Variants in DPYD observed in about 807,000 individuals in gnomAD.
DPYD encodes the protein dihydropyrimidine dehydrogenase [NADP(+)].
Under a neutral mutation model 116.2 loss-of-function variants are expected in DPYD, and 109 were observed. The observed-to-expected ratio is 0.94, with a 90% CI of 0.80 to 1.10. The LOEUF (loss-of-function observed/expected upper bound fraction) is 1.10. Ranked by LOEUF, DPYD falls within the 50% of genes least tolerant of loss-of-function variation. The pLI, the probability that DPYD is intolerant of heterozygous loss-of-function variation, is 0.00. For synonymous variants in DPYD, 440 were observed against 432.0 expected (o/e 1.02, Z -0.23); for missense variants, 1,302 against 1,254.5 (o/e 1.04, Z -0.57).
intron 14 of DPYD, among the ~76,000 whole-genome samples, chr1:97,448,616 C>CT (rs201268158): frequency 0.19 from 26,430 of 142,180 alleles, 2,611 homozygotes; most frequent in African/African-American, 0.3. Context: ...TATAGTTGAT[C>CT]TTTTTTTTTT....
At chr1:97,259,279 T>A (rs953931373) in intron 18 of DPYD, among the ~76,000 whole-genome samples, 3 of 152,094 alleles carry the variant, frequency 2.0e-5, no homozygotes, top group Non-Finnish European at 4.4e-5. Flanking sequence ...TGTTATTCAA[T>A]TGAAAACTGT....
intron 2 of DPYD, among the ~76,000 whole-genome samples, chr1:97,879,495 A>G (rs1313048638): frequency 6.6e-6 from 1 of 151,918 alleles, no homozygotes; most frequent in Non-Finnish European, 1.5e-5. Context: ...ATAGTTCAAC[A>G]TTTTCAAAAA....
At chr1:97,857,642 C>T (rs192227041) in intron 2 of DPYD, among the ~76,000 whole-genome samples, 7 of 152,310 alleles carry the variant, frequency 4.6e-5, no homozygotes, top group African/African-American at 1.7e-4. Flanking sequence ...GTAGCTCACC[C>T]TATGCATCTC....
intron 9 of DPYD, among the ~76,000 whole-genome samples, chr1:97,594,251 G>T (rs1654724213): frequency 6.6e-6 from 1 of 152,142 alleles, no homozygotes; most frequent in African/African-American, 2.4e-5. Context: ...GGGACACTCT[G>T]TAATTTTCAA....
At chr1:97,306,912 T>A (rs751962950) in intron 16 of DPYD, among the ~76,000 whole-genome samples, 1 of 151,926 alleles carries the variant, frequency 6.6e-6, no homozygotes, top group Non-Finnish European at 1.5e-5. Context: ...CTGTGCAGCA[T>A]TTTCAGCACT....
intron 18 of DPYD, among the ~76,000 whole-genome samples, chr1:97,251,338 G>A (rs1465781499): frequency 6.9e-6 from 1 of 145,402 alleles, no homozygotes; most frequent in Non-Finnish European, 1.5e-5. Context: ...GTTGCAGTGA[G>A]CCGAGATTGC....
intron 19 of DPYD, among the ~76,000 whole-genome samples, chr1:97,221,732 C>A (rs1436208625): frequency 1.3e-5 from 2 of 151,996 alleles, no homozygotes; most frequent in Admixed American, 1.3e-4. Flanking sequence ...CTACTCAGAA[C>A]AATTTTGGAA....
chr1:97,692,873 A>T (rs960818935), intron 6 of DPYD, among the ~76,000 whole-genome samples: 3 of 152,172 alleles, frequency 2.0e-5, no homozygotes, highest in African/African-American at 7.2e-5. Flanking sequence ...GTTGAAGATG[A>T]ATCTTCTGGA....
intron 3 of DPYD, among the ~76,000 whole-genome samples, chr1:97,823,730 T>C (rs186034243): frequency 1.3e-5 from 2 of 152,258 alleles, no homozygotes; most frequent in African/African-American, 4.8e-5. Context: ...TGTTAGCGTA[T>C]CATCTCTTCC....
At chr1:97,192,241 A>G (rs537202163) in intron 20 of DPYD, among the ~76,000 whole-genome samples, 1 of 152,194 alleles carries the variant, frequency 6.6e-6, no homozygotes, top group Admixed American at 6.5e-5. Context: ...AAGGCAGAGT[A>G]CCCAGGGCTT....
chr1:97,909,279 A>G (rs1447884047), intron 1 of DPYD, among the ~76,000 whole-genome samples: 1 of 151,916 alleles, frequency 6.6e-6, no homozygotes, highest in African/African-American at 2.4e-5. Flanking sequence ...CTGTCTCACC[A>G]CCTATTCTAA....
intron 2 of DPYD, chr1:97,856,758 A>C (rs1670867347): frequency 6.6e-6 from 1 of 152,364 alleles, no homozygotes; most frequent in Non-Finnish European, 1.5e-5. Context: ...GCCCAGGCTC[A>C]GGACTGCATA....
At chr1:97,540,100 GTCT>G in intron 12 of DPYD, among the ~76,000 whole-genome samples, 1 of 152,132 alleles carries the variant, frequency 6.6e-6, no homozygotes, top group East Asian at 1.9e-4. Context: ...CAAGCTGAAT[GTCT>G]TCTAATTCAG....
At chr1:97,176,546 T>C (rs1238997307) in intron 20 of DPYD, among the ~76,000 whole-genome samples, 1 of 152,174 alleles carries the variant, frequency 6.6e-6, no homozygotes, top group African/African-American at 2.4e-5. Context: ...TGCTATTACA[T>C]TAAGGAAGCA....
At chr1:97,172,924 G>A (rs557384968) in intron 20 of DPYD, among the ~76,000 whole-genome samples, 2 of 152,162 alleles carry the variant, frequency 1.3e-5, no homozygotes, top group Middle Eastern at 3.4e-3. Context: ...CAGTTCATCT[G>A]TTGCCTCCCA....
At chr1:97,368,975 C>T (rs1671179086) in intron 16 of DPYD, among the ~76,000 whole-genome samples, 1 of 152,082 alleles carries the variant, frequency 6.6e-6, no homozygotes, top group Admixed American at 6.6e-5. Flanking sequence ...ACAACAACCA[C>T]AACAATACAA....
At chr1:97,481,801 T>C (rs932912965) in intron 13 of DPYD, among the ~76,000 whole-genome samples, 1 of 152,188 alleles carries the variant, frequency 6.6e-6, no homozygotes, top group African/African-American at 2.4e-5. Flanking sequence ...TTGGCATGGA[T>C]TTTTGCCTAA....
chr1:97,287,514 T>A (rs1665784122), intron 18 of DPYD, among the ~76,000 whole-genome samples: 1 of 152,190 alleles, frequency 6.6e-6, no homozygotes, highest in South Asian at 2.1e-4. Context: ...TTTGTTTGTC[T>A]GTGCCCTGCC....
intron 14 of DPYD, among the ~76,000 whole-genome samples, chr1:97,441,111 T>A (rs944425557): frequency 1.3e-5 from 2 of 152,252 alleles, no homozygotes; most frequent in African/African-American, 2.4e-5. Context: ...GCTTTTAAGA[T>A]TTTTCTCTTT....
Sources: allele counts gnomAD v4.1 joint callset (sites outside exome capture counted in the v4.1 genomes callset), GRCh38; gene constraint gnomAD v4.1.1; transcripts MANE v1.5; gene names NCBI Gene and HGNC (gene_info 2026-07-23, HGNC 2026-07-21).